The following RNF150 variants were observed in gnomAD, a reference collection of about 807,000 sequenced individuals.
The protein encoded by RNF150 is ring finger protein 150.
In RNF150, 24 loss-of-function variants were observed where a neutral mutation model predicts 39.3. That is an observed-to-expected ratio of 0.61 (90% CI 0.44 to 0.86). The LOEUF is 0.86. Ranked by LOEUF, RNF150 falls within the 40% of genes least tolerant of loss-of-function variation. The pLI is 0.00. For missense variants in RNF150, 502 were observed against 587.8 expected, an observed-to-expected ratio of 0.85 and a Z score of 1.51; for synonymous variants, 255 against 227.3, an observed-to-expected ratio of 1.12 and a Z score of -1.10.
At chr4:141,142,704 C>T (rs140866304) in intron 1 of RNF150, among the ~76,000 whole-genome samples, 161 of 152,230 alleles carry the variant, frequency 1.1e-3, no homozygotes, top group African/African-American at 3.7e-3. Flanking sequence ...TGACCACGGC[C>T]TCCTGTCTGA....
chr4:141,032,452 G>A (rs1560699500), intron 1 of RNF150, among the ~76,000 whole-genome samples: 1 of 152,166 alleles, frequency 6.6e-6, no homozygotes, highest in African/African-American at 2.4e-5. Flanking sequence ...ACACTCGCAT[G>A]TACATACATA....
At chr4:141,171,479 AG>A (rs1727722305) in intron 1 of RNF150, among the ~76,000 whole-genome samples, 1 of 152,062 alleles carries the variant, frequency 6.6e-6, no homozygotes, top group Non-Finnish European at 1.5e-5. Flanking sequence ...AGAGAGAGAG[AG>A]AGAGAGAGAG....
At chr4:141,002,071 A>G (rs1734686570) in intron 1 of RNF150, among the ~76,000 whole-genome samples, 1 of 152,136 alleles carries the variant, frequency 6.6e-6, no homozygotes, top group Admixed American at 6.5e-5. Context: ...TCCACATATC[A>G]CCTGAAATCA....
intron 1 of RNF150, among the ~76,000 whole-genome samples, chr4:140,992,454 T>G (rs1293532406): frequency 2.0e-5 from 3 of 152,058 alleles, no homozygotes; most frequent in East Asian, 3.9e-4. Flanking sequence ...AACAGAATGT[T>G]GAACAGTACT....
At chr4:141,057,969 G>A (rs1431489060) in intron 1 of RNF150, among the ~76,000 whole-genome samples, 1 of 152,066 alleles carries the variant, frequency 6.6e-6, no homozygotes, top group Non-Finnish European at 1.5e-5. Flanking sequence ...AAAATAATAA[G>A]CCTTTAGCAT....
chr4:141,132,503 G>T lies in RNF150; in HGVS notation c.306C>A (p.Cys102Ter). ...MASSAHDRLA[C>*]DPNTKFAAPT... Reference sequence around the variant, plus strand: ...GGGCGGCGAACTTGGTGTTGGGGTCGCAGGCCAGGCGGTCGTGGGCCGAGC... The same window carrying T: ...GGGCGGCGAACTTGGTGTTGGGGTCTCAGGCCAGGCGGTCGTGGGCCGAGC... The change falls in exon 1 of 7, where the codon TGC (cysteine) becomes TGA (stop). Residue 102 changes from cysteine (C) to a stop codon, truncating the protein, a stop_gained. Transcript: ENST00000515673. LOFTEE classifies it high-confidence loss of function. This position sits in a 1 kb window ranked among gnomAD's most constrained non-coding sequence, Gnocchi z 4.9. The T allele has an allele frequency of 6.2e-7, 1 of 1,605,132 alleles. No individual in the cohort carries two copies. Among genetic ancestry groups the T allele is most frequent in the Non-Finnish European group, 8.5e-7 (1 of 1,176,750 alleles).
intron 1 of RNF150, among the ~76,000 whole-genome samples, chr4:141,140,932 A>C (rs762131620): frequency 5.9e-5 from 9 of 152,348 alleles, no homozygotes; most frequent in South Asian, 4.1e-4. Context: ...TCAGAGTTTT[A>C]ATCCCAGCTC....
intron 1 of RNF150, among the ~76,000 whole-genome samples, chr4:141,003,957 T>C (rs1734767763): frequency 2.0e-5 from 3 of 152,062 alleles, no homozygotes. Flanking sequence ...GGAAGGACAA[T>C]TCTTCAAGTG....
intron 1 of RNF150, among the ~76,000 whole-genome samples, chr4:141,032,568 A>T (rs963696847): frequency 1.3e-5 from 2 of 152,170 alleles, no homozygotes; most frequent in Non-Finnish European, 2.9e-5. Flanking sequence ...TCATAAATTC[A>T]TACAACATTT....
chr4:141,180,357 A>G (rs1333051205), intron 1 of RNF150, among the ~76,000 whole-genome samples: 1 of 152,150 alleles, frequency 6.6e-6, no homozygotes, highest in East Asian at 1.9e-4. Flanking sequence ...AAGGAGTCCC[A>G]GTTTCCTTTG....
At chr4:141,142,947 G>A (rs900534461) in intron 1 of RNF150, among the ~76,000 whole-genome samples, 2 of 150,990 alleles carry the variant, frequency 1.3e-5, no homozygotes, top group African/African-American at 4.9e-5. Context: ...TCGGCTCACT[G>A]CAACCTCCAC....
At chr4:140,997,770 C>T (rs1242853704) in intron 1 of RNF150, among the ~76,000 whole-genome samples, 1 of 148,634 alleles carries the variant, frequency 6.7e-6, no homozygotes, top group Non-Finnish European at 1.5e-5. Flanking sequence ...ATAATTATCT[C>T]AATTTATTAA....
chr4:141,100,727 T>G (rs182985174), intron 1 of RNF150, among the ~76,000 whole-genome samples: 58 of 152,310 alleles, frequency 3.8e-4, no homozygotes, highest in Admixed American at 1.6e-3. Flanking sequence ...AATTTCATCA[T>G]TGTGGAAACA....
intron 1 of RNF150, among the ~76,000 whole-genome samples, chr4:141,080,395 G>A (rs1277182530): frequency 6.6e-6 from 1 of 152,194 alleles, no homozygotes; most frequent in Non-Finnish European, 1.5e-5. Flanking sequence ...CTGCATTCTA[G>A]TCACTGTGTC....
intron 1 of RNF150, among the ~76,000 whole-genome samples, chr4:141,078,848 CAT>C (rs1274597980): frequency 6.0e-4 from 82 of 137,708 alleles, no homozygotes; most frequent in Middle Eastern, 3.8e-3. Context: ...CACACACACA[CAT>C]ACATACATAC....
At chr4:140,871,455 T>G (rs1728935329) in intron 6 of RNF150, among the ~76,000 whole-genome samples, 1 of 152,226 alleles carries the variant, frequency 6.6e-6, no homozygotes, top group Admixed American at 6.5e-5. Flanking sequence ...AGCTGAAATC[T>G]TATTCCTGGA....
At chr4:140,925,833 A>G (rs1731379047) in intron 5 of RNF150, 144 bp downstream of exon 5, 2 of 628,598 alleles carry the variant, frequency 3.2e-6, no homozygotes, top group Non-Finnish European at 5.7e-6. Flanking sequence ...CAGACATAGG[A>G]GTTCTCTTGG....
At chr4:140,869,614 C>A (rs1277617985) in intron 6 of RNF150, among the ~76,000 whole-genome samples, 1 of 152,026 alleles carries the variant, frequency 6.6e-6, no homozygotes, top group Admixed American at 6.6e-5. Context: ...GAGATAAGCA[C>A]CAGGATGGAA....
At chr4:141,048,820 A>G (rs1425820662) in intron 1 of RNF150, among the ~76,000 whole-genome samples, 2 of 152,182 alleles carry the variant, frequency 1.3e-5, no homozygotes, top group African/African-American at 2.4e-5. Context: ...AAGAAGATAT[A>G]TTGCCTAGTA....
Sources: gnomAD v4.1 joint callset for allele counts (sites outside exome capture counted in the v4.1 genomes callset) on GRCh38, gnomAD v4.1.1 for gene constraint, Gnocchi (gnomAD v3.1) non-coding constraint, MANE v1.5 for transcripts, NCBI Gene and HGNC (gene_info 2026-07-23, HGNC 2026-07-21) for gene names.